Variants in POU6F2 observed in about 807,000 individuals in gnomAD.
POU6F2 encodes the protein POU domain, class 6, transcription factor 2.
In POU6F2, 31 loss-of-function variants were observed where a neutral mutation model predicts 71.3. The observed-to-expected ratio is 0.43, with a 90% CI of 0.33 to 0.59. The LOEUF is 0.59. POU6F2 is among the 20% of genes least tolerant of loss of function. The pLI, the probability that POU6F2 is intolerant of heterozygous loss-of-function variation, is 0.04. For missense variants in POU6F2, 783 were observed against 856.8 expected (o/e 0.91, Z 1.07); for synonymous variants, 347 against 355.7 (o/e 0.98, Z 0.27).
chr7:39,279,806 G>A (rs1784527526), intron 4 of POU6F2, among the ~76,000 whole-genome samples: 2 of 152,072 alleles, frequency 1.3e-5, no homozygotes, highest in African/African-American at 2.4e-5. Context: ...GAATACAGTA[G>A]AGCGATCTCG....
At chr7:39,338,394 C>A (rs953655139) in intron 4 of POU6F2, among the ~76,000 whole-genome samples, 1 of 152,166 alleles carries the variant, frequency 6.6e-6, no homozygotes, top group Non-Finnish European at 1.5e-5. Context: ...TCTATCTCTA[C>A]GATTACATCA....
At chr7:39,026,301 G>T (rs1238540131) in intron 1 of POU6F2, among the ~76,000 whole-genome samples, 1 of 151,742 alleles carries the variant, frequency 6.6e-6, no homozygotes, top group Non-Finnish European at 1.5e-5. Flanking sequence ...ACATGCACAC[G>T]TATGTTTATT....
At chr7:39,068,038 T>C (rs1790796629) in intron 1 of POU6F2, among the ~76,000 whole-genome samples, 1 of 152,200 alleles carries the variant, frequency 6.6e-6, no homozygotes, top group South Asian at 2.1e-4. Context: ...TATTTAAAAC[T>C]GTCAAAATTT....
chr7:39,162,460 C>T (rs1164361846), intron 2 of POU6F2, among the ~76,000 whole-genome samples: 6 of 152,126 alleles, frequency 3.9e-5, no homozygotes, highest in African/African-American at 7.2e-5. Flanking sequence ...ATAGTTTCAA[C>T]GGAATAGGTC....
chr7:39,141,686 A>G (rs1183981915), intron 2 of POU6F2, among the ~76,000 whole-genome samples: 1 of 152,212 alleles, frequency 6.6e-6, no homozygotes, highest in Non-Finnish European at 1.5e-5. Context: ...TCTCAAAATA[A>G]ACTATCAATA....
chr7:39,396,644 A>G (rs1787179800), intron 5 of POU6F2, among the ~76,000 whole-genome samples: 1 of 152,176 alleles, frequency 6.6e-6, no homozygotes, highest in African/African-American at 2.4e-5. Flanking sequence ...GCCACAGACC[A>G]TCTCAGTGCC....
At chr7:39,022,933 C>T (rs896415464) in intron 1 of POU6F2, among the ~76,000 whole-genome samples, 1 of 152,018 alleles carries the variant, frequency 6.6e-6, no homozygotes, top group Non-Finnish European at 1.5e-5. Context: ...GTTTTCCAAG[C>T]AGTTGTACCA....
chr7:39,198,442 G>C lies in POU6F2; in HGVS notation c.278-5793G>C, dbSNP rs1025685110. ...AAGATTTAGAACCACTTAGGACCTAGACCCCTCACCCAAAGAAAGCTGGAC... is the reference window on the plus strand; with the variant it reads ...AAGATTTAGAACCACTTAGGACCTACACCCCTCACCCAAAGAAAGCTGGAC... On this transcript the variant is annotated intron_variant, in intron 2 of 9. Transcript: ENST00000518318. Among the ~76,000 whole-genome samples the C allele has an allele frequency of 5.3e-5, 8 of 152,286 alleles. No homozygotes were observed. In the East Asian group the frequency reaches 1.5e-3, roughly 29 times the overall value.
At chr7:39,123,643 C>G (rs1251513776) in intron 2 of POU6F2, among the ~76,000 whole-genome samples, 1 of 152,190 alleles carries the variant, frequency 6.6e-6, no homozygotes, top group East Asian at 1.9e-4. Flanking sequence ...AATACACTAA[C>G]AGCACTTCTA....
intron 7 of POU6F2, among the ~76,000 whole-genome samples, chr7:39,442,173 C>T (rs1384191008): frequency 6.6e-6 from 1 of 152,060 alleles, no homozygotes; most frequent in South Asian, 2.1e-4. Context: ...GATCACCTAC[C>T]ATGTGTCTGG....
chr7:39,127,836 ATTTT>A (rs70977460), intron 2 of POU6F2, among the ~76,000 whole-genome samples: 2 of 104,174 alleles, frequency 1.9e-5, no homozygotes, highest in African/African-American at 3.7e-5. Context: ...AGCCAGTGGA[ATTTT>A]TTTTTTTTTT....
intron 5 of POU6F2, among the ~76,000 whole-genome samples, chr7:39,383,017 AC>A (rs1480059245): frequency 6.6e-6 from 1 of 152,240 alleles, no homozygotes; most frequent in Non-Finnish European, 1.5e-5. Context: ...TTTAAAAATT[AC>A]CTTTCCGCAA....
At chr7:39,435,293 C>T (rs1788213508) in intron 7 of POU6F2, among the ~76,000 whole-genome samples, 1 of 152,142 alleles carries the variant, frequency 6.6e-6, no homozygotes, top group Admixed American at 6.5e-5. Flanking sequence ...TCGTCAGCAT[C>T]TATTGTTTCC....
chr7:39,220,352 T>G (rs1393168295), intron 4 of POU6F2, among the ~76,000 whole-genome samples: 2 of 152,230 alleles, frequency 1.3e-5, no homozygotes, highest in Non-Finnish European at 2.9e-5. Flanking sequence ...TCTCTCTCTT[T>G]CTTTTGCAAC....
At chr7:39,259,440 C>T (rs1784089678) in intron 4 of POU6F2, among the ~76,000 whole-genome samples, 1 of 152,040 alleles carries the variant, frequency 6.6e-6, no homozygotes, top group Non-Finnish European at 1.5e-5. Context: ...CCTGTTGGGC[C>T]CCGAGTAGGG....
chr7:38,991,158 C>T (rs563143153), intron 1 of POU6F2, among the ~76,000 whole-genome samples: 18 of 151,940 alleles, frequency 1.2e-4, no homozygotes, highest in Non-Finnish European at 2.4e-4. Context: ...TGTTTATGAA[C>T]AAATGAGCAG....
Position 39,464,656 on chromosome 7 carries a change from C to G in POU6F2, c.2133C>G (p.Pro711=), listed in dbSNP as rs1477958611. 1.2e-6 allele frequency: 2 copies of G among 1,606,466 alleles called. No individual in the cohort carries two copies. Among genetic ancestry groups the G allele is most frequent in the African/African-American group, 2.7e-5 (2 of 74,844 alleles). The change falls in exon 10 of 10, where the codon CCC becomes CCG. Residue 711 remains proline, a synonymous_variant. Transcript: ENST00000518318. The surrounding 1 kb of genome is among the most constrained non-coding windows in gnomAD (Gnocchi z 4.1). ...HEPATAVPLE[P]LTDSLEENS Reference sequence around the variant, plus strand: ...CGGCCACGGCAGTCCCTTTGGAGCCCTTAACAGACTCTCTGGAAGAAAACT... The same window carrying G: ...CGGCCACGGCAGTCCCTTTGGAGCCGTTAACAGACTCTCTGGAAGAAAACT...
At chr7:39,069,445 CGTG>C (rs1262271520) in intron 1 of POU6F2, among the ~76,000 whole-genome samples, 2 of 152,096 alleles carry the variant, frequency 1.3e-5, no homozygotes, top group African/African-American at 4.8e-5. Flanking sequence ...AGCTCAAGAC[CGTG>C]CATGGTTTTT....
intron 1 of POU6F2, among the ~76,000 whole-genome samples, chr7:38,987,410 C>T (rs1474360063): frequency 6.6e-6 from 1 of 152,066 alleles, no homozygotes; most frequent in Non-Finnish European, 1.5e-5. Context: ...AGCCTCAATG[C>T]TGTTTATTAA....
Sources: allele counts gnomAD v4.1 joint callset (sites outside exome capture counted in the v4.1 genomes callset), GRCh38; gene constraint gnomAD v4.1.1; non-coding constraint Gnocchi (gnomAD v3.1); transcripts MANE v1.5; gene names NCBI Gene and HGNC (gene_info 2026-07-23, HGNC 2026-07-21).